The following MAP2K5 variants were observed in gnomAD, a reference collection of about 807,000 sequenced individuals.
MAP2K5 encodes mitogen-activated protein kinase kinase 5, also known as dual specificity mitogen-activated protein kinase kinase 5.
A neutral mutation model predicts 83.1 loss-of-function variants in MAP2K5; 49 were observed. That is an observed-to-expected ratio of 0.59 (90% CI 0.47 to 0.75). The LOEUF is 0.75. MAP2K5 is among the 30% of genes least tolerant of loss of function. The pLI, the probability that MAP2K5 is intolerant of heterozygous loss-of-function variation, is 0.00. For synonymous variants in MAP2K5, 202 were observed against 191.8 expected (o/e 1.05, Z -0.44); for missense variants, 457 against 557.5 (o/e 0.82, Z 1.82).
At chr15:67,740,096 C>T (rs2089460171) in intron 17 of MAP2K5, among the ~76,000 whole-genome samples, 1 of 152,084 alleles carries the variant, frequency 6.6e-6, no homozygotes, top group Non-Finnish European at 1.5e-5. Context: ...GAGTCCAAGC[C>T]CTGTGCTTAA....
chr15:67,650,294 A>C (rs894930246), intron 11 of MAP2K5, among the ~76,000 whole-genome samples: 2 of 152,088 alleles, frequency 1.3e-5, no homozygotes, highest in African/African-American at 4.8e-5. Flanking sequence ...CTTTCTTTTC[A>C]ATTCTGAATG....
chr15:67,566,196 A>C (rs1209487847), intron 3 of MAP2K5, among the ~76,000 whole-genome samples: 1 of 151,932 alleles, frequency 6.6e-6, no homozygotes, highest in Non-Finnish European at 1.5e-5. Flanking sequence ...TGTTTTTGAG[A>C]TGAAGTCTCA....
chr15:67,778,367 A>G lies in MAP2K5; in HGVS notation c.1242+5615A>G, dbSNP rs1016265147. Among the ~76,000 whole-genome samples the G allele has an allele frequency of 6.6e-6, 1 of 152,184 alleles. No individual in the cohort carries two copies. Among genetic ancestry groups the G allele is most frequent in the Non-Finnish European group, 1.5e-5 (1 of 68,026 alleles). The stretch of plus-strand genomic sequence containing the variant: ...ATGATGTTAGATTTTTGTCTCTCCA[A>G]CACTCAAATTCCAGTGTGACTTTGG... On this transcript the variant is annotated intron_variant, in intron 21 of 21. Transcript: ENST00000178640. The surrounding 1 kb of genome is among the most constrained non-coding windows in gnomAD (Gnocchi z 5.0).
intron 6 of MAP2K5, among the ~76,000 whole-genome samples, chr15:67,590,484 T>TCTCTCTCTCTCTCTCTCTC (rs1555529592): frequency 1.4e-5 from 2 of 143,098 alleles, no homozygotes; most frequent in African/African-American, 2.6e-5. Context: ...TCTTTGTTTC[T>TCTCTCTCTCTCTCTCTCTC]TTTTGAGACA....
chr15:67,548,981 A>C, intron 1 of MAP2K5: 1 of 1,408,300 alleles, frequency 7.1e-7, no homozygotes, highest in Non-Finnish European at 9.2e-7. Flanking sequence ...AAGCTTCTAA[A>C]GAATTGCCTT....
intron 13 of MAP2K5, among the ~76,000 whole-genome samples, chr15:67,681,544 T>C (rs773190180): frequency 9.9e-5 from 15 of 151,998 alleles, no homozygotes; most frequent in Non-Finnish European, 2.1e-4. Flanking sequence ...AAAAAAGGAG[T>C]ATTGGATATT....
rs193274811 is a variant in MAP2K5 at position 67,686,277 on chromosome 15, T to C, written c.848-6202T>C. Among the ~76,000 whole-genome samples, 3 of 152,210 alleles carry C rather than the reference T, an allele frequency of 2.0e-5. No individual in the cohort carries two copies. The East Asian group carries it at 5.8e-4, about 29-fold the overall frequency. ...CCTATTTCAATTATAATGACAGATATATCATCCAACAATAATCAGCAGATT... is the reference window on the plus strand; with the variant it reads ...CCTATTTCAATTATAATGACAGATACATCATCCAACAATAATCAGCAGATT... On this transcript the variant is annotated intron_variant, in intron 13 of 21. Transcript: ENST00000178640.
chr15:67,628,494 T>A lies in MAP2K5; in HGVS notation c.546-2394T>A, dbSNP rs542708555. On this transcript the variant is annotated intron_variant, in intron 8 of 21. Transcript: ENST00000178640. ...GACTCCATCTAAAAAAAAATAAAAATAAAAAATAAAAAAAAGACACTGAGG... is the reference window on the plus strand; with the variant it reads ...GACTCCATCTAAAAAAAAATAAAAAAAAAAAATAAAAAAAAGACACTGAGG... 103 of 676,658 alleles carry A rather than the reference T, an allele frequency of 1.5e-4. 1 individual carries two copies. The East Asian group carries it at 2.7e-3, about 17-fold the overall frequency. 41.9% of individuals were successfully genotyped at this position (676,658 alleles called of 1,614,324 possible).
At chr15:67,714,342 A>G (rs541384774) in intron 16 of MAP2K5, among the ~76,000 whole-genome samples, 1 of 148,638 alleles carries the variant, frequency 6.7e-6, no homozygotes, top group Non-Finnish European at 1.5e-5. Context: ...ATTATGAAAC[A>G]TTATCTAGCC....
At position 67,708,898 on chromosome 15, in the gene MAP2K5, T is replaced by C. The variant is rs1484441985; in HGVS notation, c.1044+5490T>C. ...ATCCAGGGACAGAATCGCTTCTCTCTCCTTTCAGTACAGTATCCCTCTGTT... is the reference window on the plus strand; with the variant it reads ...ATCCAGGGACAGAATCGCTTCTCTCCCCTTTCAGTACAGTATCCCTCTGTT... On this transcript the variant is annotated intron_variant, in intron 16 of 21. Transcript: ENST00000178640. The surrounding 1 kb of genome is among the most constrained non-coding windows in gnomAD (Gnocchi z 4.9). Among the ~76,000 whole-genome samples the C allele has an allele frequency of 6.6e-6, 1 of 152,200 alleles. No homozygotes were observed. The highest frequency in any genetic ancestry group is 2.4e-5 in the African/African-American group (1 of 41,446).
At position 67,801,506 on chromosome 15, in the gene MAP2K5, A is replaced by G. The variant is rs1021213947; in HGVS notation, c.1243-5140A>G. Among the ~76,000 whole-genome samples the G allele has an allele frequency of 6.6e-6, 1 of 152,200 alleles. No individual in the cohort carries two copies. The highest frequency in any genetic ancestry group is 2.4e-5 in the African/African-American group (1 of 41,446). ...CAAATGTCTAGAGCAGCCACAGCTT[A>G]TGGAGCCATCTCCCCAGAGAGACAC... On this transcript the variant is annotated intron_variant, in intron 21 of 21. Coordinates refer to ENST00000178640, the MANE Select transcript of MAP2K5 (RefSeq NM_145160.3). This position sits in a 1 kb window ranked among gnomAD's most constrained non-coding sequence, Gnocchi z 4.8.
rs192137387 is a variant in MAP2K5 at position 67,770,679 on chromosome 15, C to T, written c.1196+1016C>T. On this transcript the variant is annotated intron_variant, in intron 20 of 21. Transcript: ENST00000178640. The surrounding 1 kb of genome is among the most constrained non-coding windows in gnomAD (Gnocchi z 5.0). The stretch of plus-strand genomic sequence containing the variant: ...TATCAGGATTCTTGCTAACCAAAAT[C>T]GTTGTGTGCCATCCCCTTCCCCTCC... 2.0e-5 allele frequency among the ~76,000 whole-genome samples: 3 copies of T among 152,256 alleles called. No homozygotes were observed. Among genetic ancestry groups the T allele is most frequent in the Admixed American group, 6.5e-5 (1 of 15,294 alleles).
At position 67,748,869 on chromosome 15, in the gene MAP2K5, A is replaced by G. The variant is rs2089661869; in HGVS notation, c.1134+268A>G. Among the ~76,000 whole-genome samples, 1 of 152,076 alleles carries G rather than the reference A, an allele frequency of 6.6e-6. No individual in the cohort carries two copies. Among genetic ancestry groups the G allele is most frequent in the South Asian group, 2.1e-4 (1 of 4,824 alleles). ...AGACAAAACACAATAATATTAATTGACCCTCTCCCTGGCCAGATGGGGATG... is the reference window on the plus strand; with the variant it reads ...AGACAAAACACAATAATATTAATTGGCCCTCTCCCTGGCCAGATGGGGATG... On this transcript the variant is annotated intron_variant, in intron 19 of 21. Transcript: ENST00000178640. This position sits in a 1 kb window ranked among gnomAD's most constrained non-coding sequence, Gnocchi z 4.0.
At chr15:67,630,796 T>A (rs1179525920) in intron 8 of MAP2K5, 92 bp from the exon 9 acceptor site, 1 of 846,230 alleles carries the variant, frequency 1.2e-6, no homozygotes, top group Admixed American at 2.1e-5. Flanking sequence ...ATCCCACTGC[T>A]GCAGAAATGT....
At chr15:67,554,070 G>C (rs1458747991) in intron 2 of MAP2K5, among the ~76,000 whole-genome samples, 1 of 151,872 alleles carries the variant, frequency 6.6e-6, no homozygotes, top group Non-Finnish European at 1.5e-5. Context: ...TACATTTTTG[G>C]TTTTTTTGAA....
intron 12 of MAP2K5, 59 bp downstream of exon 12, chr15:67,658,673 C>A: frequency 1.5e-6 from 2 of 1,359,978 alleles, no homozygotes; most frequent in South Asian, 2.3e-5. Context: ...TAATCAAGCT[C>A]ATTCTTCTTA....
intron 3 of MAP2K5, among the ~76,000 whole-genome samples, chr15:67,570,022 T>A (rs1044686008): frequency 6.6e-6 from 1 of 152,246 alleles, no homozygotes; most frequent in African/African-American, 2.4e-5. Flanking sequence ...GTGTGGACAC[T>A]ACCCCAAGCT....
chr15:67,662,013 C>T (rs923543469), intron 12 of MAP2K5, among the ~76,000 whole-genome samples: 1 of 151,840 alleles, frequency 6.6e-6, no homozygotes, highest in Non-Finnish European at 1.5e-5. Context: ...TATTGTCTTC[C>T]TGTCCAGAAT....
At chr15:67,803,189 G>A (rs1346703233) in intron 21 of MAP2K5, among the ~76,000 whole-genome samples, 1 of 152,234 alleles carries the variant, frequency 6.6e-6, no homozygotes. Flanking sequence ...GCAGAGTGGT[G>A]TAAAGCATCA....
Sources: allele counts gnomAD v4.1 joint callset (sites outside exome capture counted in the v4.1 genomes callset), GRCh38; gene constraint gnomAD v4.1.1; non-coding constraint Gnocchi (gnomAD v3.1); transcripts MANE v1.5; gene names NCBI Gene and HGNC (gene_info 2026-07-23, HGNC 2026-07-21).